SLC35F1: variants seen among roughly 807,000 people sequenced by gnomAD.
SLC35F1 encodes the protein chromosome 6 open reading frame 169.
SLC35F1 carries 14 observed loss-of-function variants against 48.7 expected under a neutral mutation model. The observed-to-expected ratio is 0.29, with a 90% CI of 0.19 to 0.45. The LOEUF (loss-of-function observed/expected upper bound fraction) is 0.45, where lower values mean the gene tolerates loss of function less well. Among genes scored for constraint, SLC35F1 ranks in the 20% least tolerant of loss-of-function variants. The probability of loss-of-function intolerance (pLI) is 1.00; values close to 1 mark genes in which losing one functional copy is unlikely to be tolerated. For synonymous variants in SLC35F1, 190 were observed against 202.2 expected, an observed-to-expected ratio of 0.94 and a Z score of 0.51; for missense variants, 404 against 500.0, an observed-to-expected ratio of 0.81 and a Z score of 1.83.
At chr6:118,121,462 C>T (rs566047800) in intron 1 of SLC35F1, among the ~76,000 whole-genome samples, 1 of 152,130 alleles carries the variant, frequency 6.6e-6, no homozygotes, top group South Asian at 2.1e-4. Context: ...CTCAGAGTCA[C>T]GCCCCTAGTA....
At chr6:118,215,542 C>A (rs771664474) in intron 2 of SLC35F1, among the ~76,000 whole-genome samples, 8 of 151,332 alleles carry the variant, frequency 5.3e-5, no homozygotes, top group Admixed American at 2.0e-4. Flanking sequence ...ACAATAGGAG[C>A]CAGGCTAACA....
intron 1 of SLC35F1, among the ~76,000 whole-genome samples, chr6:117,911,527 C>G (rs1775763779): frequency 6.6e-6 from 1 of 151,408 alleles, no homozygotes; most frequent in African/African-American, 2.4e-5. Context: ...CCTTGACTTC[C>G]TGGGCTCAAG....
intron 1 of SLC35F1, among the ~76,000 whole-genome samples, chr6:117,962,527 C>T (rs9398467): frequency 0.38 from 57,197 of 151,872 alleles, 11,223 homozygotes; most frequent in South Asian, 0.52. Context: ...GATGTAAAAC[C>T]GTGGGGTCTT....
intron 2 of SLC35F1, among the ~76,000 whole-genome samples, chr6:118,162,526 A>C (rs1413522424): frequency 6.6e-6 from 1 of 152,212 alleles, no homozygotes; most frequent in Non-Finnish European, 1.5e-5. Flanking sequence ...TATTGTATCT[A>C]AGTTGTACTT....
intron 1 of SLC35F1, among the ~76,000 whole-genome samples, chr6:118,079,074 TG>T (rs1260431494): frequency 2.6e-5 from 4 of 152,248 alleles, no homozygotes; most frequent in Admixed American, 6.5e-5. Flanking sequence ...ACAATTTTTT[TG>T]TGTGTGTACA....
At chr6:117,915,443 G>A (rs1381842581) in intron 1 of SLC35F1, among the ~76,000 whole-genome samples, 2 of 152,190 alleles carry the variant, frequency 1.3e-5, no homozygotes, top group Non-Finnish European at 2.9e-5. Context: ...GGTCAGGAGG[G>A]ATCAGGGATG....
intron 7 of SLC35F1, among the ~76,000 whole-genome samples, chr6:118,289,797 G>T (rs1776097042): frequency 6.6e-6 from 1 of 152,134 alleles, no homozygotes; most frequent in Admixed American, 6.5e-5. Flanking sequence ...ATTGGGAGCA[G>T]GTTTTTTAAA....
intron 1 of SLC35F1, among the ~76,000 whole-genome samples, chr6:117,989,774 G>A (rs1198957177): frequency 6.6e-6 from 1 of 152,072 alleles, no homozygotes; most frequent in East Asian, 1.9e-4. Flanking sequence ...AGCAATGACT[G>A]GTGAAAGAAT....
At chr6:118,197,638 A>T (rs1313781583) in intron 2 of SLC35F1, among the ~76,000 whole-genome samples, 2 of 152,082 alleles carry the variant, frequency 1.3e-5, no homozygotes, top group Non-Finnish European at 2.9e-5. Flanking sequence ...ACAAATAAAG[A>T]CTGTGGCCTG....
intron 2 of SLC35F1, among the ~76,000 whole-genome samples, chr6:118,159,220 CAAAAAAAAAAAA>C (rs60060945): frequency 9.1e-5 from 4 of 43,850 alleles, no homozygotes; most frequent in South Asian, 3.3e-3. Context: ...GACTCTGTCT[CAAAAAAAAAAAA>C]AAAAAAAAAA....
At chr6:118,209,842 A>G (rs981648967) in intron 2 of SLC35F1, among the ~76,000 whole-genome samples, 1 of 152,152 alleles carries the variant, frequency 6.6e-6, no homozygotes, top group African/African-American at 2.4e-5. Flanking sequence ...GTTTTCATAA[A>G]TGTTTTGTTA....
chr6:118,107,622 A>C (rs1773343580), intron 1 of SLC35F1, among the ~76,000 whole-genome samples: 1 of 152,172 alleles, frequency 6.6e-6, no homozygotes, highest in Non-Finnish European at 1.5e-5. Context: ...ATGGGACAGA[A>C]ATGGAGATTA....
At position 118,123,101 on chromosome 6, in the gene SLC35F1, C is replaced by CT. The variant is rs10667361; in HGVS notation, c.174-31336dup. ...TGAATAGTATTTATTCTCAAAAGCC[C>CT]TTTTTTTTGTATTATGTTCCTTGTA... On this transcript the variant is annotated intron_variant, in intron 1 of 7. Coordinates refer to ENST00000360388, the MANE Select transcript of SLC35F1 (RefSeq NM_001029858.4). Among the ~76,000 whole-genome samples, 134 of 151,632 alleles carry CT rather than the reference C, an allele frequency of 8.8e-4. 2 individuals carry two copies. The highest frequency in any genetic ancestry group is 1.7e-3 in the South Asian group (8 of 4,790).
In SLC35F1 at chr6:117,967,595, T is replaced by C. The variant is rs79936581; in HGVS notation, c.173+59696T>C. On this transcript the variant is annotated intron_variant, in intron 1 of 7. Coordinates refer to ENST00000360388, the MANE Select transcript of SLC35F1 (RefSeq NM_001029858.4). ...CGACACATTGTGACCCTGTTTACTC[T>C]TGTTTCTAAAGTGAATTGCTGGCTT... is the stretch of plus-strand genomic sequence containing the variant. Among the ~76,000 whole-genome samples, 25 of 152,358 alleles carry C rather than the reference T, an allele frequency of 1.6e-4. No individual in the cohort carries two copies. The East Asian group carries it at 4.8e-3, about 29-fold the overall frequency.
At chr6:118,014,459 G>T (rs77838208) in intron 1 of SLC35F1, among the ~76,000 whole-genome samples, 1 of 152,182 alleles carries the variant, frequency 6.6e-6, no homozygotes, top group Non-Finnish European at 1.5e-5. Flanking sequence ...CTAAAAACAA[G>T]GATTGGTACA....
At chr6:118,053,170 A>G (rs1402594093) in intron 1 of SLC35F1, among the ~76,000 whole-genome samples, 1 of 152,178 alleles carries the variant, frequency 6.6e-6, no homozygotes, top group Non-Finnish European at 1.5e-5. Context: ...ATAATTTCAG[A>G]TTTTTTAGGA....
chr6:117,996,163 A>G (rs1409768512), intron 1 of SLC35F1, among the ~76,000 whole-genome samples: 1 of 152,256 alleles, frequency 6.6e-6, no homozygotes, highest in African/African-American at 2.4e-5. Flanking sequence ...GAATATTAAA[A>G]CTTTACATTT....
intron 3 of SLC35F1, among the ~76,000 whole-genome samples, chr6:118,264,058 T>A (rs945598461): frequency 1.3e-5 from 2 of 152,232 alleles, no homozygotes; most frequent in Admixed American, 1.3e-4. Flanking sequence ...TCATTTCACC[T>A]CTTAGGACTT....
At chr6:118,203,275 G>A (rs774298610) in intron 2 of SLC35F1, among the ~76,000 whole-genome samples, 1 of 152,208 alleles carries the variant, frequency 6.6e-6, no homozygotes, top group Non-Finnish European at 1.5e-5. Flanking sequence ...TATCTTGAGT[G>A]AAGCACAGGC....
Sources: gnomAD v4.1 joint callset for allele counts (sites outside exome capture counted in the v4.1 genomes callset) on GRCh38, gnomAD v4.1.1 for gene constraint, MANE v1.5 for transcripts, NCBI Gene and HGNC (gene_info 2026-07-23, HGNC 2026-07-21) for gene names.